The following AKAP6 variants were observed in gnomAD, a reference collection of about 807,000 sequenced individuals.
The protein encoded by AKAP6 is A-kinase anchoring protein 6.
Under a neutral mutation model 188.5 loss-of-function variants are expected in AKAP6, and 58 were observed. That is an observed-to-expected ratio of 0.31 (90% CI 0.25 to 0.38). The LOEUF (loss-of-function observed/expected upper bound fraction) is 0.38. Among genes scored for constraint, AKAP6 ranks in the 10% least tolerant of loss-of-function variants. The pLI, the probability that AKAP6 is intolerant of heterozygous loss-of-function variation, is 1.00. For missense variants in AKAP6, 2,710 were observed against 2,740.0 expected, an observed-to-expected ratio of 0.99 and a Z score of 0.24; for synonymous variants, 989 against 998.6, an observed-to-expected ratio of 0.99 and a Z score of 0.18.
At chr14:32,596,404 C>A (rs1339938281) in intron 5 of AKAP6, among the ~76,000 whole-genome samples, 2 of 152,160 alleles carry the variant, frequency 1.3e-5, no homozygotes, top group Admixed American at 1.3e-4. Flanking sequence ...CAGATATATG[C>A]AAGCTGGTGA....
chr14:32,394,309 T>C lies in AKAP6; in HGVS notation c.-34-39151T>C, dbSNP rs898655371. On this transcript the variant is annotated intron_variant, in intron 1 of 13. Coordinates refer to ENST00000280979, the MANE Select transcript of AKAP6 (RefSeq NM_004274.5). ...ACAAGAGATATGTTCTCTGATTGCT[T>C]GACTCAAATGCTTTATGCTTCCAAA... is the stretch of plus-strand genomic sequence containing the variant. Among the ~76,000 whole-genome samples, 6 of 152,144 alleles carry C rather than the reference T, an allele frequency of 3.9e-5. No individual in the cohort carries two copies. In the East Asian group the frequency reaches 5.8e-4, roughly 15 times the overall value.
At chr14:32,646,654 CAT>C (rs564041380) in intron 7 of AKAP6, among the ~76,000 whole-genome samples, 4 of 152,222 alleles carry the variant, frequency 2.6e-5, no homozygotes, top group South Asian at 4.1e-4. Flanking sequence ...GAGACAAAAA[CAT>C]GTGTTATCTT....
intron 11 of AKAP6, among the ~76,000 whole-genome samples, chr14:32,762,660 T>A (rs1354231976): frequency 6.6e-6 from 1 of 152,050 alleles, no homozygotes; most frequent in Non-Finnish European, 1.5e-5. Context: ...AATTAATACA[T>A]ATTTTTTCCA....
intron 7 of AKAP6, among the ~76,000 whole-genome samples, chr14:32,621,088 T>C (rs1886799137): frequency 6.6e-6 from 1 of 152,062 alleles, no homozygotes; most frequent in Non-Finnish European, 1.5e-5. Context: ...TTAATCTAGC[T>C]AATGGTCTGT....
At chr14:32,730,428 T>C (rs2031117228) in intron 9 of AKAP6, among the ~76,000 whole-genome samples, 1 of 152,190 alleles carries the variant, frequency 6.6e-6, no homozygotes, top group Admixed American at 6.5e-5. Context: ...GATTGGTTTA[T>C]TACATCTAAA....
At chr14:32,724,573 T>C (rs1187038265) in intron 9 of AKAP6, among the ~76,000 whole-genome samples, 2 of 152,172 alleles carry the variant, frequency 1.3e-5, no homozygotes, top group Non-Finnish European at 2.9e-5. Flanking sequence ...GATAATAGGA[T>C]TGAATTTCTA....
At chr14:32,510,294 C>A (rs1448896442) in intron 2 of AKAP6, among the ~76,000 whole-genome samples, 1 of 150,336 alleles carries the variant, frequency 6.7e-6, no homozygotes, top group Non-Finnish European at 1.5e-5. Context: ...CAAAAAGCCA[C>A]CGAATTATTA....
intron 7 of AKAP6, among the ~76,000 whole-genome samples, chr14:32,645,875 CT>C (rs1439390031): frequency 6.6e-6 from 1 of 152,126 alleles, no homozygotes; most frequent in East Asian, 1.9e-4. Flanking sequence ...TGCTTAGATG[CT>C]TTTAATTTGA....
At chr14:32,765,632 A>T (rs556257122) in intron 11 of AKAP6, among the ~76,000 whole-genome samples, 99 of 152,232 alleles carry the variant, frequency 6.5e-4, no homozygotes, top group African/African-American at 2.4e-3. Context: ...GTTGGCAGAA[A>T]TACATAGATG....
Position 32,433,487 on chromosome 14 carries a change from C to T in AKAP6, c.-7C>T, listed in dbSNP as rs752948339. On this transcript the variant is annotated 5_prime_UTR_variant, in exon 2 of 14. Coordinates refer to ENST00000280979, the MANE Select transcript of AKAP6 (RefSeq NM_004274.5). ...GTTTTGGAAAGAAGTGAGGTTTAGA[C>T]TTCTCCATGTTAACCATGAGCGTGA... The T allele has an allele frequency of 1.9e-6, 3 of 1,612,170 alleles. No homozygotes were observed. The highest frequency in any genetic ancestry group is 2.5e-6 in the Non-Finnish European group (3 of 1,178,540).
chr14:32,685,380 A>T (rs1422415164), intron 8 of AKAP6, among the ~76,000 whole-genome samples: 2 of 152,110 alleles, frequency 1.3e-5, no homozygotes, highest in African/African-American at 4.8e-5. Flanking sequence ...GGCTTAGTGG[A>T]GGAGGGAACA....
chr14:32,532,136 C>A (rs879836553), intron 2 of AKAP6, among the ~76,000 whole-genome samples: 10 of 152,140 alleles, frequency 6.6e-5, no homozygotes, highest in Non-Finnish European at 1.3e-4. Flanking sequence ...TTCTAGAAGT[C>A]CTTAGCAGTT....
At chr14:32,458,995 A>T (rs1454849079) in intron 2 of AKAP6, among the ~76,000 whole-genome samples, 1 of 152,164 alleles carries the variant, frequency 6.6e-6, no homozygotes, top group African/African-American at 2.4e-5. Context: ...ATATCCATCG[A>T]TTGGTGAAAA....
chr14:32,540,186 A>ATT (rs1335960823), intron 3 of AKAP6, among the ~76,000 whole-genome samples: 15 of 136,782 alleles, frequency 1.1e-4, no homozygotes, highest in Non-Finnish European at 2.3e-4. Flanking sequence ...ATATATATAT[A>ATT]TATATATTTT....
At chr14:32,616,532 G>A (rs1257817663) in intron 7 of AKAP6, among the ~76,000 whole-genome samples, 1 of 152,156 alleles carries the variant, frequency 6.6e-6, no homozygotes, top group African/African-American at 2.4e-5. Flanking sequence ...TCACTTATAA[G>A]TGGGAGCTAA....
chr14:32,618,307 T>C lies in AKAP6; in HGVS notation c.2730+17515T>C, dbSNP rs559871244. On this transcript the variant is annotated intron_variant, in intron 7 of 13. Coordinates refer to ENST00000280979, the MANE Select transcript of AKAP6 (RefSeq NM_004274.5). ...GTACCCTTCACCAGAGTAGTATACA[T>C]TGTACCCAATATGTAGTTCTTTTAT... is the stretch of plus-strand genomic sequence containing the variant. Among the ~76,000 whole-genome samples the C allele has an allele frequency of 3.4e-4, 52 of 151,942 alleles. No individual in the cohort carries two copies. In the South Asian group the frequency reaches 0.01, roughly 30 times the overall value.
intron 7 of AKAP6, among the ~76,000 whole-genome samples, chr14:32,622,572 CCTCT>C (rs781360526): frequency 1.3e-5 from 2 of 152,092 alleles, no homozygotes; most frequent in Non-Finnish European, 1.5e-5. Flanking sequence ...GAATGATAAT[CCTCT>C]CTCCCTCCCT....
intron 1 of AKAP6, chr14:32,385,203 A>G (rs1319547307): frequency 1.3e-5 from 2 of 151,356 alleles, no homozygotes; most frequent in Non-Finnish European, 2.9e-5. Context: ...AGCCGCATCC[A>G]TTATGCAGAT....
At chr14:32,752,552 G>C (rs1447907154) in intron 11 of AKAP6, among the ~76,000 whole-genome samples, 57 of 152,220 alleles carry the variant, frequency 3.7e-4, no homozygotes, top group Non-Finnish European at 1.5e-4. Context: ...GTGATGTTTT[G>C]ATATATGTAT....
Sources: gnomAD v4.1 joint callset for allele counts (sites outside exome capture counted in the v4.1 genomes callset) on GRCh38, gnomAD v4.1.1 for gene constraint, MANE v1.5 for transcripts, NCBI Gene and HGNC (gene_info 2026-07-23, HGNC 2026-07-21) for gene names.